The following ANO2 variants were observed in gnomAD, a reference collection of about 807,000 sequenced individuals.
The protein encoded by ANO2 is anoctamin 2.
Under a neutral mutation model 124.2 loss-of-function variants are expected in ANO2, and 101 were observed. The ratio of observed to expected loss-of-function variants is 0.81; its 90% confidence interval spans 0.69 to 0.96. The LOEUF (loss-of-function observed/expected upper bound fraction) is 0.96. ANO2 is among the 40% of genes least tolerant of loss of function. ANO2 has a pLI of 0.00. For missense variants in ANO2, 1,293 were observed against 1,274.5 expected (o/e 1.01, Z -0.22); for synonymous variants, 486 against 482.5 (o/e 1.01, Z -0.09).
chr12:5,784,878 G>A (rs1250252060), intron 10 of ANO2, among the ~76,000 whole-genome samples: 1 of 152,146 alleles, frequency 6.6e-6, no homozygotes, highest in Non-Finnish European at 1.5e-5. Flanking sequence ...CCTTCACCAG[G>A]CCTCTCCCCT....
At chr12:5,866,440 T>C (rs745997730) in intron 3 of ANO2, among the ~76,000 whole-genome samples, 1 of 152,218 alleles carries the variant, frequency 6.6e-6, no homozygotes, top group Non-Finnish European at 1.5e-5. Flanking sequence ...TTCCCTTTGT[T>C]GTTTGAGCTG....
chr12:5,583,885 T>C (rs183014568), intron 20 of ANO2: 233 of 204,970 alleles, frequency 1.1e-3, no homozygotes, highest in Admixed American at 2.2e-3. Flanking sequence ...GGCATTCCCA[T>C]CAAGAGCACC....
At chr12:5,624,241 G>GGAGAGAGA (rs371489925) in intron 16 of ANO2, among the ~76,000 whole-genome samples, 3 of 149,046 alleles carry the variant, frequency 2.0e-5, no homozygotes, top group African/African-American at 7.5e-5. Context: ...AGGGAGCACT[G>GGAGAGAGA]GAGAGAGAGA....
At chr12:5,812,589 A>AGG (rs1565688249) in intron 7 of ANO2, among the ~76,000 whole-genome samples, 2 of 518 alleles carry the variant, frequency 3.9e-3, no homozygotes, top group Non-Finnish European at 0.011. Flanking sequence ...AAGAGAAAGA[A>AGG]AGAGGAAGAA....
intron 14 of ANO2, among the ~76,000 whole-genome samples, chr12:5,676,020 T>A (rs984321128): frequency 6.6e-6 from 1 of 152,196 alleles, no homozygotes; most frequent in African/African-American, 2.4e-5. Flanking sequence ...ACATCACATC[T>A]TCCAGGCTGA....
At chr12:5,683,076 A>C (rs1395165855) in intron 14 of ANO2, among the ~76,000 whole-genome samples, 1 of 152,068 alleles carries the variant, frequency 6.6e-6, no homozygotes, top group Non-Finnish European at 1.5e-5. Context: ...CCCAGTAGAG[A>C]CTGTATACTG....
intron 7 of ANO2, among the ~76,000 whole-genome samples, chr12:5,815,462 A>T (rs1253705910): frequency 6.6e-6 from 1 of 152,170 alleles, no homozygotes; most frequent in Non-Finnish European, 1.5e-5. Context: ...CTTTATGTGG[A>T]GAATATATGT....
intron 1 of ANO2, among the ~76,000 whole-genome samples, chr12:5,938,393 A>G (rs1942746216): frequency 6.6e-6 from 1 of 152,016 alleles, no homozygotes. Context: ...TGATCTACAT[A>G]TTTTTTTCCA....
At chr12:5,826,212 C>T (rs1003688129) in intron 7 of ANO2, among the ~76,000 whole-genome samples, 17 of 151,964 alleles carry the variant, frequency 1.1e-4, no homozygotes, top group African/African-American at 3.9e-4. Context: ...AGTTGTATTA[C>T]GTTAGGTGTA....
At position 5,638,419 on chromosome 12, in the gene ANO2, T is replaced by C. The variant is rs112072979; in HGVS notation, c.1621-3072A>G. On this transcript the variant is annotated intron_variant, in intron 15 of 24. Transcript: ENST00000682330. ...CCTGGCTAATTTTTTGTATTTTTAG[T>C]AGAGACAGGGTTTCATCATGTTAGC... 2.0e-3 allele frequency among the ~76,000 whole-genome samples: 272 copies of C among 137,642 alleles called. 21 individuals carry two copies. The highest frequency in any genetic ancestry group is 7.6e-3 in the Middle Eastern group (2 of 262). The allele number at this position is 137,642 out of a possible 152,430, so 90.3% of individuals were successfully genotyped here.
At chr12:5,757,149 A>G (rs1242253334) in intron 10 of ANO2, among the ~76,000 whole-genome samples, 2 of 152,220 alleles carry the variant, frequency 1.3e-5, no homozygotes, top group Non-Finnish European at 2.9e-5. Context: ...ATAAAGGTCT[A>G]TTTTGTATAT....
chr12:5,768,004 T>C (rs1232414972), intron 10 of ANO2, among the ~76,000 whole-genome samples: 1 of 152,198 alleles, frequency 6.6e-6, no homozygotes, highest in Non-Finnish European at 1.5e-5. Context: ...GTGCAGCTAC[T>C]ATGTCATGTC....
chr12:5,582,049 G>T (rs961588520), intron 20 of ANO2, among the ~76,000 whole-genome samples: 4 of 152,198 alleles, frequency 2.6e-5, no homozygotes, highest in Non-Finnish European at 5.9e-5. Flanking sequence ...GAGTCCTTCT[G>T]GGCTCACTTC....
In ANO2 at chr12:5,744,165, G is replaced by A; in HGVS notation, c.1343C>T (p.Ala448Val). 6.2e-7 allele frequency: 1 copy of A among 1,613,244 alleles called. No homozygotes were observed. Among genetic ancestry groups the A allele is most frequent in the Non-Finnish European group, 8.5e-7 (1 of 1,179,876 alleles). Reference sequence around the variant, plus strand: ...TGGTGATGGCCACATACCCCACAGAGCCATGAAGATAGAGAAGAAGACGGT... The same window carrying A: ...TGGTGATGGCCACATACCCCACAGAACCATGAAGATAGAGAAGAAGACGGT... Reference protein sequence around the residue: ...PATVFFSIFMALWATMFLENW... With the variant: ...PATVFFSIFMVLWATMFLENW... Residue 448 changes from alanine to valine, a missense_variant, in exon 12 of 25, where the codon GCT (alanine) becomes GTT (valine). Transcript: ENST00000682330.
chr12:5,857,938 C>T (rs1176408312), intron 3 of ANO2, among the ~76,000 whole-genome samples: 1 of 152,116 alleles, frequency 6.6e-6, no homozygotes, highest in African/African-American at 2.4e-5. Flanking sequence ...AGACAAATAC[C>T]ACATGTTCTC....
intron 14 of ANO2, among the ~76,000 whole-genome samples, chr12:5,651,721 T>G (rs1013460440): frequency 1.3e-5 from 2 of 152,238 alleles, no homozygotes; most frequent in African/African-American, 4.8e-5. Flanking sequence ...TCACTTCCCA[T>G]TATTCTCCCA....
At chr12:5,848,221 A>G (rs561836422) in intron 4 of ANO2, among the ~76,000 whole-genome samples, 1 of 152,242 alleles carries the variant, frequency 6.6e-6, no homozygotes, top group African/African-American at 2.4e-5. Context: ...ACAGATGCTG[A>G]TTCCTATAGA....
chr12:5,775,492 C>T (rs1464115820), intron 10 of ANO2, among the ~76,000 whole-genome samples: 1 of 143,244 alleles, frequency 7.0e-6, no homozygotes, highest in Non-Finnish European at 1.5e-5. Flanking sequence ...GATGGAGTCT[C>T]GCTCTGTCGC....
intron 4 of ANO2, among the ~76,000 whole-genome samples, chr12:5,852,847 ACG>A (rs1491141664): frequency 1.4e-4 from 7 of 48,924 alleles, no homozygotes; most frequent in African/African-American, 4.9e-4. Flanking sequence ...ATGGAAAGGG[ACG>A]TGTGTGTGTG....
Sources: gnomAD v4.1 joint callset for allele counts (sites outside exome capture counted in the v4.1 genomes callset) on GRCh38, gnomAD v4.1.1 for gene constraint, MANE v1.5 for transcripts, NCBI Gene and HGNC (gene_info 2026-07-23, HGNC 2026-07-21) for gene names.